The following GRIK1 variants were observed in gnomAD, a reference collection of about 807,000 sequenced individuals.
The protein encoded by GRIK1 is glutamate ionotropic receptor kainate type subunit 1, also known as glutamate receptor ionotropic, kainate 1.
GRIK1 carries 69 observed loss-of-function variants against 105.7 expected under a neutral mutation model. The ratio of observed to expected loss-of-function variants is 0.65; its 90% CI spans 0.54 to 0.80. GRIK1 has a LOEUF of 0.80. Ranked by LOEUF, GRIK1 falls within the 30% of genes least tolerant of loss-of-function variation. The pLI, the probability that GRIK1 is intolerant of heterozygous loss-of-function variation, is 0.00. For synonymous variants in GRIK1, 438 were observed against 431.3 expected, an observed-to-expected ratio of 1.02 and a Z score of -0.19; for missense variants, 1,109 against 1,167.3, an observed-to-expected ratio of 0.95 and a Z score of 0.73.
intron 1 of GRIK1, among the ~76,000 whole-genome samples, chr21:29,859,292 C>T (rs556210240): frequency 1.3e-5 from 2 of 151,750 alleles, no homozygotes; most frequent in South Asian, 4.2e-4. Context: ...AGCACACCAA[C>T]ATGGCACATG....
At chr21:29,897,560 A>G (rs1320690639) in intron 1 of GRIK1, among the ~76,000 whole-genome samples, 1 of 152,182 alleles carries the variant, frequency 6.6e-6, no homozygotes, top group Non-Finnish European at 1.5e-5. Flanking sequence ...TAGCTTTATT[A>G]TTAGAAAATT....
At chr21:29,826,769 C>T (rs1247140598) in intron 1 of GRIK1, among the ~76,000 whole-genome samples, 1 of 152,008 alleles carries the variant, frequency 6.6e-6, no homozygotes, top group Non-Finnish European at 1.5e-5. Flanking sequence ...TTTATTGATT[C>T]TTATTCTCCA....
At chr21:29,863,429 G>C (rs1221274320) in intron 1 of GRIK1, among the ~76,000 whole-genome samples, 1 of 152,026 alleles carries the variant, frequency 6.6e-6, no homozygotes, top group East Asian at 1.9e-4. Context: ...AAAAAAGAGA[G>C]GTTTTCTATT....
intron 1 of GRIK1, among the ~76,000 whole-genome samples, chr21:29,852,261 C>T (rs545385910): frequency 6.6e-6 from 1 of 152,314 alleles, no homozygotes; most frequent in Admixed American, 6.5e-5. Context: ...TTCTCTCCCA[C>T]AGAGCACTTT....
chr21:29,692,798 C>G (rs1409976439), intron 2 of GRIK1, among the ~76,000 whole-genome samples: 3 of 152,352 alleles, frequency 2.0e-5, no homozygotes, highest in African/African-American at 7.2e-5. Context: ...TGGTCTCGAT[C>G]TCCTGACCTC....
chr21:29,752,085 A>G (rs555266659), intron 1 of GRIK1, among the ~76,000 whole-genome samples: 7 of 152,374 alleles, frequency 4.6e-5, no homozygotes, highest in Middle Eastern at 3.4e-3. Flanking sequence ...CTTCTGAGAA[A>G]TTCATGACGT....
intron 3 of GRIK1, 26 bp from the exon 4 acceptor site, chr21:29,673,190 A>G (rs769881560): frequency 6.7e-7 from 1 of 1,497,666 alleles, no homozygotes. Context: ...CAATCATGCA[A>G]TGGAGACTGT....
rs527817391 is a variant in GRIK1, at chr21:29,834,851, T to G, written c.118+104532A>C. On this transcript the variant is annotated intron_variant, in intron 1 of 17. Transcript: ENST00000327783. ...TATTTTATTTATTCAATATTACAAT[T>G]GAATATTATTTTATTTATTCAATAT... 2.2e-4 allele frequency among the ~76,000 whole-genome samples: 33 copies of G among 150,688 alleles called. No homozygotes were observed. In the East Asian group the frequency reaches 6.0e-3, roughly 27 times the overall value.
intron 7 of GRIK1, among the ~76,000 whole-genome samples, chr21:29,639,783 T>C (rs2062472675): frequency 6.6e-6 from 1 of 152,232 alleles, no homozygotes; most frequent in Non-Finnish European, 1.5e-5. Context: ...ATTACTTATG[T>C]AGTGGAGTTC....
Position 29,745,963 on chromosome 21 carries a change from G to A in GRIK1, c.119-51900C>T, listed in dbSNP as rs1306542484. On this transcript the variant is annotated intron_variant, in intron 1 of 17. Coordinates refer to ENST00000327783, the MANE Select transcript of GRIK1 (RefSeq NM_001330994.2). Reference sequence around the variant, plus strand: ...CTAAAAATACAAAAAAATTAGCCAGGTGTGGTGGCGGGCGCCTGTAGTCCC... The same window carrying A: ...CTAAAAATACAAAAAAATTAGCCAGATGTGGTGGCGGGCGCCTGTAGTCCC... Among the ~76,000 whole-genome samples the A allele has an allele frequency of 3.9e-5, 6 of 152,222 alleles. No individual in the cohort carries two copies. In the East Asian group the frequency reaches 1.2e-3, roughly 29 times the overall value.
At position 29,700,219 on chromosome 21, in the gene GRIK1, G is replaced by A. The variant is rs4817301; in HGVS notation, c.119-6156C>T. 4.5e-3 allele frequency among the ~76,000 whole-genome samples: 681 copies of A among 152,274 alleles called. 6 individuals carry two copies. Among genetic ancestry groups the A allele is most frequent in the East Asian group, 0.03 (156 of 5,170 alleles). On this transcript the variant is annotated intron_variant, in intron 1 of 17. Coordinates refer to ENST00000327783, the MANE Select transcript of GRIK1 (RefSeq NM_001330994.2). Reference sequence around the variant, plus strand: ...TGTGTTTTGTGACTACCTAAACACAGATGGAAGCCACAGCTGGCAACATCC... The same window carrying A: ...TGTGTTTTGTGACTACCTAAACACAAATGGAAGCCACAGCTGGCAACATCC...
At chr21:29,811,337 T>C (rs573645882) in intron 1 of GRIK1, among the ~76,000 whole-genome samples, 5 of 152,300 alleles carry the variant, frequency 3.3e-5, no homozygotes, top group African/African-American at 1.2e-4. Flanking sequence ...TAATAACTCG[T>C]TAATGAGCAT....
At chr21:29,744,950 G>A (rs1324620397) in intron 1 of GRIK1, among the ~76,000 whole-genome samples, 2 of 152,150 alleles carry the variant, frequency 1.3e-5, no homozygotes, top group African/African-American at 4.8e-5. Flanking sequence ...TCTTTAGGGT[G>A]GCCTCCAATG....
Position 29,580,053 on chromosome 21 carries a change from G to A in GRIK1, c.1912+1372C>T, listed in dbSNP as rs1490156821. Among the ~76,000 whole-genome samples, 253 of 134,918 alleles carry A rather than the reference G, an allele frequency of 1.9e-3. 1 individual carries two copies. The highest frequency in any genetic ancestry group is 6.8e-3 in the African/African-American group (238 of 34,824). 88.5% of individuals were successfully genotyped at this position (134,918 alleles called of 152,430 possible). On this transcript the variant is annotated intron_variant, in intron 13 of 17. Coordinates refer to ENST00000327783, the MANE Select transcript of GRIK1 (RefSeq NM_001330994.2). ...TATATATGTGTATATATGTATATAT[G>A]TATATATATATGTGTATATATATGT...
chr21:29,755,796 G>A, intron 1 of GRIK1, among the ~76,000 whole-genome samples: 1 of 151,918 alleles, frequency 6.6e-6, no homozygotes, highest in Non-Finnish European at 1.5e-5. Context: ...ACAACGTCTT[G>A]GTCTTCTGGT....
At chr21:29,845,030 A>T (rs1230805310) in intron 1 of GRIK1, among the ~76,000 whole-genome samples, 1 of 152,130 alleles carries the variant, frequency 6.6e-6, no homozygotes, top group Non-Finnish European at 1.5e-5. Flanking sequence ...TATTTATATT[A>T]TTCCTTCCTG....
At chr21:29,557,123 A>G (rs2090277618) in intron 15 of GRIK1, among the ~76,000 whole-genome samples, 1 of 152,220 alleles carries the variant, frequency 6.6e-6, no homozygotes, top group African/African-American at 2.4e-5. Context: ...TGGTTAATCA[A>G]TGCAAAGGAA....
intron 1 of GRIK1, among the ~76,000 whole-genome samples, chr21:29,778,205 C>T (rs1037736074): frequency 2.6e-5 from 4 of 152,084 alleles, no homozygotes; most frequent in East Asian, 1.9e-4. Context: ...AAGCACACAA[C>T]TTTGTGTTAT....
Position 29,767,299 on chromosome 21 carries a change from G to A in GRIK1, c.119-73236C>T, listed in dbSNP as rs549162918. Among the ~76,000 whole-genome samples the A allele has an allele frequency of 5.3e-5, 8 of 152,266 alleles. No homozygotes were observed. The East Asian group carries it at 1.5e-3, about 29-fold the overall frequency. ...TATTTCCAGGATGTGTATGGATGTC[G>A]ATTGTAGTAAACAGAATTATTATCT... is the stretch of plus-strand genomic sequence containing the variant. On this transcript the variant is annotated intron_variant, in intron 1 of 17. Transcript: ENST00000327783.
Sources: allele counts gnomAD v4.1 joint callset (sites outside exome capture counted in the v4.1 genomes callset), GRCh38; gene constraint gnomAD v4.1.1; transcripts MANE v1.5; gene names NCBI Gene and HGNC (gene_info 2026-07-23, HGNC 2026-07-21).